Variants in TTC28 observed in about 807,000 individuals in gnomAD.
TTC28 encodes tetratricopeptide repeat domain 28.
A neutral mutation model predicts 198.0 loss-of-function variants in TTC28; 61 were observed. The observed-to-expected ratio is 0.31, with a 90% CI of 0.25 to 0.38. The LOEUF (loss-of-function observed/expected upper bound fraction) is 0.38, where lower values mean the gene tolerates loss of function less well. Ranked by LOEUF, TTC28 falls within the 10% of genes least tolerant of loss-of-function variation. The pLI, the probability that TTC28 is intolerant of heterozygous loss-of-function variation, is 1.00. For missense variants in TTC28, 2,678 were observed against 3,164.0 expected, an observed-to-expected ratio of 0.85 and a Z score of 3.69; for synonymous variants, 1,171 against 1,297.8, an observed-to-expected ratio of 0.90 and a Z score of 2.10.
chr22:28,389,158 A>G (rs868165153), intron 2 of TTC28, among the ~76,000 whole-genome samples: 3 of 152,272 alleles, frequency 2.0e-5, no homozygotes, highest in South Asian at 2.1e-4. Flanking sequence ...TGATTTGCGT[A>G]TATTGAACCA....
intron 5 of TTC28, among the ~76,000 whole-genome samples, chr22:28,201,221 C>G (rs1409357697): frequency 6.6e-6 from 1 of 152,048 alleles, no homozygotes; most frequent in Non-Finnish European, 1.5e-5. Context: ...TCAACCAAAC[C>G]AACATGTATT....
intron 2 of TTC28, among the ~76,000 whole-genome samples, chr22:28,380,801 A>G (rs2046482588): frequency 6.6e-6 from 1 of 152,160 alleles, no homozygotes; most frequent in Non-Finnish European, 1.5e-5. Context: ...TTTAATCCCT[A>G]CAACAAACCT....
intron 2 of TTC28, among the ~76,000 whole-genome samples, chr22:28,588,681 C>T (rs2050367171): frequency 6.6e-6 from 1 of 152,238 alleles, no homozygotes; most frequent in Non-Finnish European, 1.5e-5. Flanking sequence ...AATACCAATT[C>T]ATAGCCAACT....
chr22:28,590,289 AG>A (rs2050404217), intron 2 of TTC28, among the ~76,000 whole-genome samples: 1 of 151,450 alleles, frequency 6.6e-6, no homozygotes, highest in Non-Finnish European at 1.5e-5. Context: ...CACCACACCC[AG>A]ATAATTTTTT....
rs150596415 is a variant in TTC28, at chr22:28,326,796, T to A, written c.382-20153A>T. 2.9e-3 allele frequency among the ~76,000 whole-genome samples: 449 copies of A among 152,274 alleles called. 4 individuals carry two copies. The highest frequency in any genetic ancestry group is 0.01 in the African/African-American group (429 of 41,566). ...TTTTATTACTAGCATTTAGCCCATT[T>A]GCCAATTTCTCCAAACTGAGTCAAA... is the stretch of plus-strand genomic sequence containing the variant. On this transcript the variant is annotated intron_variant, in intron 2 of 22. Coordinates refer to ENST00000397906, the MANE Select transcript of TTC28 (RefSeq NM_001145418.2).
chr22:28,249,038 T>C (rs968863524), intron 5 of TTC28, among the ~76,000 whole-genome samples: 3 of 152,146 alleles, frequency 2.0e-5, no homozygotes, highest in Non-Finnish European at 4.4e-5. Context: ...TACTGTATTA[T>C]ATAATTCTTT....
At chr22:28,661,360 G>A (rs2051744286) in intron 1 of TTC28, among the ~76,000 whole-genome samples, 1 of 152,062 alleles carries the variant, frequency 6.6e-6, no homozygotes, top group African/African-American at 2.4e-5. Flanking sequence ...CATCATCCAA[G>A]AAACATTTAT....
intron 13 of TTC28, among the ~76,000 whole-genome samples, chr22:28,018,244 A>AGTGTGT (rs138612299): frequency 0.01 from 1,205 of 114,956 alleles, 23 homozygotes; most frequent in Middle Eastern, 0.026. Context: ...GCTGCTATTC[A>AGTGTGT]GTGTGTGTGT....
intron 2 of TTC28, among the ~76,000 whole-genome samples, chr22:28,426,666 C>G (rs780448582): frequency 7.9e-5 from 12 of 152,182 alleles, no homozygotes; most frequent in Non-Finnish European, 1.3e-4. Context: ...CTTTCCCCCT[C>G]AGTATTCCTC....
At chr22:28,474,953 C>G (rs1269221154) in intron 2 of TTC28, among the ~76,000 whole-genome samples, 1 of 151,294 alleles carries the variant, frequency 6.6e-6, no homozygotes, top group South Asian at 2.1e-4. Context: ...CATTAATATC[C>G]TCAAGGATAA....
chr22:28,556,914 T>G (rs567840815), intron 2 of TTC28, among the ~76,000 whole-genome samples: 3 of 152,350 alleles, frequency 2.0e-5, no homozygotes, highest in East Asian at 3.9e-4. Context: ...ACATGGTGAT[T>G]GGCTTCATCC....
chr22:28,318,148 G>C (rs1175872736), intron 2 of TTC28, among the ~76,000 whole-genome samples: 3 of 150,542 alleles, frequency 2.0e-5, no homozygotes, highest in African/African-American at 7.3e-5. Context: ...GGACTCAAGT[G>C]ATCCTCCTGC....
chr22:28,406,926 C>T (rs971406411), intron 2 of TTC28, among the ~76,000 whole-genome samples: 4 of 152,224 alleles, frequency 2.6e-5, no homozygotes, highest in Admixed American at 1.3e-4. Context: ...AAAAACTTTA[C>T]TGGACCAATT....
In TTC28 at chr22:28,624,991, T is replaced by TA. The variant is rs529858480; in HGVS notation, c.381+4560dup. On this transcript the variant is annotated intron_variant, in intron 2 of 22. Transcript: ENST00000397906. ...TTAATTTACCATATTAACAGCTAGC[T>TA]AAAAAAATTATAATTTCAATAGATG... Among the ~76,000 whole-genome samples, 124 of 152,156 alleles carry TA rather than the reference T, an allele frequency of 8.1e-4. 1 individual carries two copies. The highest frequency in any genetic ancestry group is 2.7e-3 in the African/African-American group (113 of 41,532).
intron 12 of TTC28, among the ~76,000 whole-genome samples, chr22:28,039,649 C>T (rs1359576872): frequency 6.6e-6 from 1 of 152,026 alleles, no homozygotes; most frequent in South Asian, 2.1e-4. Context: ...TGCACATGTA[C>T]CCTAAAACTT....
chr22:28,289,532 A>G (rs922365025), intron 5 of TTC28, among the ~76,000 whole-genome samples: 5 of 152,144 alleles, frequency 3.3e-5, no homozygotes, highest in Non-Finnish European at 5.9e-5. Context: ...TCTGAGAGCA[A>G]CAGTAGAAAA....
At chr22:28,057,869 T>G (rs1940353036) in intron 12 of TTC28, among the ~76,000 whole-genome samples, 1 of 152,140 alleles carries the variant, frequency 6.6e-6, no homozygotes, top group Admixed American at 6.5e-5. Context: ...CCCATTGTAT[T>G]GTTTTGGTAT....
intron 5 of TTC28, among the ~76,000 whole-genome samples, chr22:28,250,125 T>C (rs1930416102): frequency 6.6e-6 from 1 of 152,204 alleles, no homozygotes; most frequent in South Asian, 2.1e-4. Context: ...AAAGGAAATA[T>C]AGTTTCTCTA....
At chr22:28,421,395 GTAAT>G (rs1206063640) in intron 2 of TTC28, among the ~76,000 whole-genome samples, 1 of 152,014 alleles carries the variant, frequency 6.6e-6, no homozygotes, top group Non-Finnish European at 1.5e-5. Flanking sequence ...CATTTATATG[GTAAT>G]TAATTGACTT....
Sources: gnomAD v4.1 joint callset for allele counts (sites outside exome capture counted in the v4.1 genomes callset) on GRCh38, gnomAD v4.1.1 for gene constraint, MANE v1.5 for transcripts, NCBI Gene and HGNC (gene_info 2026-07-23, HGNC 2026-07-21) for gene names.